Variants in FGF14 observed in about 807,000 individuals in gnomAD.
The protein encoded by FGF14 is fibroblast growth factor 14, also known as fibroblast growth factor homologous factor 4.
In FGF14, 5 loss-of-function variants were observed where a neutral mutation model predicts 25.5. The observed-to-expected ratio is 0.20, with a 90% CI of 0.10 to 0.41. The LOEUF (loss-of-function observed/expected upper bound fraction) is 0.41, where lower values mean the gene tolerates loss of function less well. FGF14 is among the 10% of genes least tolerant of loss of function. The pLI is 1.00. For synonymous variants in FGF14, 138 were observed against 118.3 expected (o/e 1.17, Z -1.08); for missense variants, 222 against 320.1 (o/e 0.69, Z 2.34).
At chr13:101,842,243 C>A (rs1594446129) in intron 3 of FGF14, among the ~76,000 whole-genome samples, 1 of 152,024 alleles carries the variant, frequency 6.6e-6, no homozygotes. Flanking sequence ...GTTGCTATCA[C>A]ATCCTCATTT....
In FGF14 at chr13:101,950,751, G is replaced by GTTT. The variant is rs61285721; in HGVS notation, c.209-75458_209-75456dup. On this transcript the variant is annotated intron_variant, in intron 1 of 4. Coordinates refer to the FGF14 transcript ENST00000376131. Reference sequence around the variant, plus strand: ...CCTATTAAACAGAAAACCTAATCATGTTTTTTTTTTTTTTTTTTTGTCTTT... The same window carrying GTTT: ...CCTATTAAACAGAAAACCTAATCATGTTTTTTTTTTTTTTTTTTTTTTGTCTTT... Among the ~76,000 whole-genome samples the GTTT allele has an allele frequency of 4.4e-3, 584 of 131,922 alleles. 5 individuals are homozygous for GTTT. Among genetic ancestry groups the GTTT allele is most frequent in the Non-Finnish European group, 6.8e-3 (423 of 61,880 alleles). The allele number at this position is 131,922 out of a possible 152,430, so 86.5% of individuals were successfully genotyped here. A position where few individuals can be genotyped will look rare whatever the true frequency, so the allele number is the denominator to read the frequency against.
intron 1 of FGF14, among the ~76,000 whole-genome samples, chr13:102,309,738 A>T (rs1159489976): frequency 6.6e-6 from 1 of 152,182 alleles, no homozygotes. Flanking sequence ...CATCAAAGGG[A>T]TTATATAAAT....
At chr13:101,945,171 A>G (rs2035722657) in intron 1 of FGF14, among the ~76,000 whole-genome samples, 1 of 152,050 alleles carries the variant, frequency 6.6e-6, no homozygotes, top group Non-Finnish European at 1.5e-5. Context: ...ATACAAAATT[A>G]TCTGGGTGTG....
At chr13:101,847,244 G>C (rs116097599) in intron 3 of FGF14, among the ~76,000 whole-genome samples, 1,974 of 152,100 alleles carry the variant, frequency 0.013, 38 homozygotes, top group African/African-American at 0.043. Flanking sequence ...AGAAACTGTA[G>C]TTTTATATGC....
At chr13:102,113,535 A>C (rs561171875) in intron 1 of FGF14, among the ~76,000 whole-genome samples, 6 of 152,352 alleles carry the variant, frequency 3.9e-5, no homozygotes, top group African/African-American at 1.4e-4. Flanking sequence ...CAATATATCT[A>C]TATTCTACAT....
At chr13:101,937,448 C>T (rs946720540) in intron 1 of FGF14, among the ~76,000 whole-genome samples, 2 of 152,112 alleles carry the variant, frequency 1.3e-5, no homozygotes, top group African/African-American at 2.4e-5. Flanking sequence ...TGTGCACACA[C>T]AGAGATGAAA....
At chr13:102,093,376 A>C (rs547581763) in intron 1 of FGF14, among the ~76,000 whole-genome samples, 2 of 152,320 alleles carry the variant, frequency 1.3e-5, no homozygotes, top group Admixed American at 1.3e-4. Context: ...ATAAACACAC[A>C]TAAAGATGCA....
intron 1 of FGF14, among the ~76,000 whole-genome samples, chr13:102,334,902 C>T (rs1038156470): frequency 2.0e-5 from 3 of 152,130 alleles, no homozygotes; most frequent in Admixed American, 2.0e-4. Context: ...AGAGGCACCC[C>T]TCCATCCTCA....
intron 1 of FGF14, among the ~76,000 whole-genome samples, chr13:102,390,021 T>C (rs1381604725): frequency 2.6e-5 from 4 of 152,352 alleles, no homozygotes; most frequent in Non-Finnish European, 2.9e-5. Flanking sequence ...AGCTACCATG[T>C]TGAATTCTCC....
chr13:102,299,532 T>A (rs985383805), intron 1 of FGF14, among the ~76,000 whole-genome samples: 17 of 151,948 alleles, frequency 1.1e-4, no homozygotes, highest in African/African-American at 3.9e-4. Flanking sequence ...CAAGAGATCA[T>A]GAGGAAAATC....
chr13:101,790,049 T>C (rs2040143543), intron 3 of FGF14, among the ~76,000 whole-genome samples: 1 of 151,914 alleles, frequency 6.6e-6, no homozygotes, highest in Admixed American at 6.6e-5. Context: ...AGATTCTACC[T>C]CTGGGTCCCA....
chr13:101,741,198 TG>T (rs2036530475), intron 3 of FGF14, among the ~76,000 whole-genome samples: 4 of 152,122 alleles, frequency 2.6e-5, no homozygotes, highest in Admixed American at 2.6e-4. Context: ...TAGCTGGGCA[TG>T]GTGGTGGGTG....
At chr13:101,831,854 A>G (rs1032301710) in intron 3 of FGF14, among the ~76,000 whole-genome samples, 2 of 152,110 alleles carry the variant, frequency 1.3e-5, no homozygotes, top group African/African-American at 2.4e-5. Context: ...AGAGAAACAG[A>G]GAGCATGTCA....
chr13:102,397,197 A>G (rs1333948728), intron 1 of FGF14, among the ~76,000 whole-genome samples: 1 of 152,178 alleles, frequency 6.6e-6, no homozygotes, highest in Admixed American at 6.5e-5. Context: ...TCCAAACACC[A>G]TGACAGCCCT....
chr13:102,041,972 G>C (rs767828015), intron 1 of FGF14, among the ~76,000 whole-genome samples: 1 of 152,116 alleles, frequency 6.6e-6, no homozygotes, highest in East Asian at 1.9e-4. Context: ...TGACCAGCCA[G>C]CCAAAGTTCA....
chr13:101,830,554 G>A (rs181393108), intron 3 of FGF14, among the ~76,000 whole-genome samples: 29 of 152,162 alleles, frequency 1.9e-4, no homozygotes, highest in African/African-American at 4.8e-4. Context: ...GGCGAATTTC[G>A]TGTATTTGAA....
At chr13:101,777,637 T>C (rs868390950) in intron 3 of FGF14, among the ~76,000 whole-genome samples, 4 of 152,216 alleles carry the variant, frequency 2.6e-5, no homozygotes, top group Middle Eastern at 3.2e-3. Flanking sequence ...TTATCTGCTA[T>C]GTGCAGGAGA....
chr13:102,330,414 T>C (rs1300936186), intron 1 of FGF14, among the ~76,000 whole-genome samples: 1 of 152,122 alleles, frequency 6.6e-6, no homozygotes, highest in Non-Finnish European at 1.5e-5. Context: ...GCTATAGCAA[T>C]TCTCAACTCT....
intron 3 of FGF14, among the ~76,000 whole-genome samples, chr13:101,727,708 A>T (rs1018715763): frequency 1.3e-5 from 2 of 152,144 alleles, no homozygotes; most frequent in African/African-American, 2.4e-5. Flanking sequence ...ATAAGGGTAC[A>T]ATCTACATAT....
Sources: allele counts gnomAD v4.1 joint callset (sites outside exome capture counted in the v4.1 genomes callset), GRCh38; gene constraint gnomAD v4.1.1; transcripts MANE v1.5; gene names NCBI Gene and HGNC (gene_info 2026-07-23, HGNC 2026-07-21).